ACBD6: variants seen among roughly 807,000 people sequenced by gnomAD.
The protein encoded by ACBD6 is acyl-CoA binding domain containing 6.
In ACBD6, 28 loss-of-function variants were observed where a neutral mutation model predicts 37.2. The ratio of observed to expected loss-of-function variants is 0.75; its 90% CI spans 0.56 to 1.03. ACBD6 has a LOEUF of 1.03. Ranked by LOEUF, ACBD6 falls within the 50% of genes least tolerant of loss-of-function variation. The pLI, the probability that ACBD6 is intolerant of heterozygous loss-of-function variation, is 0.00. For synonymous variants in ACBD6, 113 were observed against 126.8 expected (o/e 0.89, Z 0.73); for missense variants, 340 against 337.4 (o/e 1.01, Z -0.06).
intron 6 of ACBD6, among the ~76,000 whole-genome samples, chr1:180,335,918 C>T (rs1446014611): frequency 2.7e-5 from 4 of 149,518 alleles, no homozygotes; most frequent in African/African-American, 9.8e-5. Flanking sequence ...ACAAAGAAGG[C>T]CATTACATAA....
chr1:180,394,055 A>T (rs1321225940), intron 6 of ACBD6, among the ~76,000 whole-genome samples: 1 of 152,180 alleles, frequency 6.6e-6, no homozygotes, highest in African/African-American at 2.4e-5. Flanking sequence ...ATATTTCCAT[A>T]TACAATACCT....
chr1:180,430,127 G>C, intron 4 of ACBD6, 53 bp downstream of exon 4: 1 of 1,452,004 alleles, frequency 6.9e-7, no homozygotes, highest in Non-Finnish European at 9.7e-7. Flanking sequence ...ACAAACACAT[G>C]CACACACACA....
At chr1:180,366,089 C>T (rs554707220) in intron 6 of ACBD6, among the ~76,000 whole-genome samples, 1 of 152,254 alleles carries the variant, frequency 6.6e-6, no homozygotes, top group East Asian at 1.9e-4. Flanking sequence ...CTAGGCATAG[C>T]CAAATATATT....
intron 6 of ACBD6, among the ~76,000 whole-genome samples, chr1:180,386,857 T>C (rs996397611): frequency 3.5e-4 from 54 of 152,214 alleles, no homozygotes; most frequent in African/African-American, 1.3e-3. Context: ...ATTTTTATGA[T>C]GACTGCTCTA....
At chr1:180,467,992 G>C (rs1650415523) in intron 3 of ACBD6, among the ~76,000 whole-genome samples, 1 of 152,142 alleles carries the variant, frequency 6.6e-6, no homozygotes, top group African/African-American at 2.4e-5. Context: ...AGGAATTCTT[G>C]GAAAGTAAAA....
At chr1:180,448,442 G>C (rs986590242) in intron 3 of ACBD6, among the ~76,000 whole-genome samples, 2 of 152,078 alleles carry the variant, frequency 1.3e-5, no homozygotes, top group African/African-American at 4.8e-5. Context: ...TTGTTTTCAT[G>C]AAGTGGTAAA....
chr1:180,337,935 A>G (rs879056721), intron 6 of ACBD6, among the ~76,000 whole-genome samples: 1 of 152,224 alleles, frequency 6.6e-6, no homozygotes, highest in Non-Finnish European at 1.5e-5. Flanking sequence ...TAGGAATACA[A>G]CTTACAAGGG....
intron 6 of ACBD6, among the ~76,000 whole-genome samples, chr1:180,340,088 G>C (rs79821880): frequency 0.016 from 2,485 of 152,288 alleles, 25 homozygotes; most frequent in Non-Finnish European, 0.025. Context: ...GAGGAGGCCA[G>C]TGTGTTACTG....
chr1:180,282,079 A>C (rs779909451), intron 8 of ACBD6, among the ~76,000 whole-genome samples: 6 of 152,194 alleles, frequency 3.9e-5, no homozygotes, highest in African/African-American at 1.4e-4. Flanking sequence ...ATCTCCAAAA[A>C]CACAAAAATT....
intron 3 of ACBD6, among the ~76,000 whole-genome samples, chr1:180,448,956 G>A (rs1649587016): frequency 6.6e-6 from 1 of 152,100 alleles, no homozygotes; most frequent in African/African-American, 2.4e-5. Context: ...TGTTAAGGAA[G>A]GAGGACTATT....
At chr1:180,330,220 T>C (rs922538217) in intron 6 of ACBD6, among the ~76,000 whole-genome samples, 1 of 151,716 alleles carries the variant, frequency 6.6e-6, no homozygotes, top group Admixed American at 6.6e-5. Flanking sequence ...GAGATCAGCC[T>C]GGGCAACATT....
chr1:180,377,218 T>C (rs189905332), intron 6 of ACBD6, among the ~76,000 whole-genome samples: 3 of 152,302 alleles, frequency 2.0e-5, no homozygotes, highest in Admixed American at 6.5e-5. Context: ...TTGATTATAA[T>C]CAAAGTATCA....
chr1:180,496,501 T>C (rs541202155), intron 1 of ACBD6, among the ~76,000 whole-genome samples: 21 of 152,294 alleles, frequency 1.4e-4, no homozygotes, highest in Non-Finnish European at 2.2e-4. Context: ...AATGATCTAC[T>C]GACTGCCTTA....
At chr1:180,435,101 A>C in intron 3 of ACBD6, 1 of 764,268 alleles carries the variant, frequency 1.3e-6, no homozygotes, top group Non-Finnish European at 2.4e-6. Flanking sequence ...CATCCTTCTC[A>C]CCTAACACTG....
intron 4 of ACBD6, among the ~76,000 whole-genome samples, chr1:180,419,342 A>AT (rs1169124355): frequency 2.0e-5 from 3 of 152,292 alleles, no homozygotes; most frequent in East Asian, 3.9e-4. Context: ...CTAAATGCAA[A>AT]TTTTTTTCAT....
At chr1:180,423,546 C>A (rs1459933701) in intron 4 of ACBD6, among the ~76,000 whole-genome samples, 3 of 152,050 alleles carry the variant, frequency 2.0e-5, no homozygotes, top group Admixed American at 1.3e-4. Context: ...AGGGTCCCTT[C>A]AAATAAAACT....
rs570597923 is a variant in ACBD6 at position 180,350,839 on chromosome 1, T to C, written c.664-36117A>G. On this transcript the variant is annotated intron_variant, in intron 6 of 7. Coordinates refer to ENST00000367595, the MANE Select transcript of ACBD6 (RefSeq NM_032360.4). ...GATCTCTCATTATGGGATTTGGTTATAGTCTGGCTCATAATTGTTCTTTAA... is the reference window on the plus strand; with the variant it reads ...GATCTCTCATTATGGGATTTGGTTACAGTCTGGCTCATAATTGTTCTTTAA... Among the ~76,000 whole-genome samples the C allele has an allele frequency of 9.2e-5, 14 of 152,354 alleles. No homozygotes were observed. The East Asian group carries it at 2.7e-3, about 29-fold the overall frequency.
At chr1:180,311,540 T>C (rs1427646996) in intron 7 of ACBD6, among the ~76,000 whole-genome samples, 2 of 152,134 alleles carry the variant, frequency 1.3e-5, no homozygotes, top group Non-Finnish European at 2.9e-5. Flanking sequence ...TGGACTCAAG[T>C]GATTTTCCCA....
intron 6 of ACBD6, among the ~76,000 whole-genome samples, chr1:180,361,460 C>A (rs4652495): frequency 0.73 from 109,659 of 151,206 alleles, 42,634 homozygotes; most frequent in Non-Finnish European, 0.88. Flanking sequence ...ATATTTCAAA[C>A]AAATTTTATA....
Sources: gnomAD v4.1 joint callset for allele counts (sites outside exome capture counted in the v4.1 genomes callset) on GRCh38, gnomAD v4.1.1 for gene constraint, MANE v1.5 for transcripts, NCBI Gene and HGNC (gene_info 2026-07-23, HGNC 2026-07-21) for gene names.